Variants in BCAR1 observed in about 807,000 individuals in gnomAD.
The protein encoded by BCAR1 is BCAR1 scaffold protein, Cas family member.
A neutral mutation model predicts 67.6 loss-of-function variants in BCAR1; 30 were observed. The ratio of observed to expected loss-of-function variants is 0.44; its 90% CI spans 0.33 to 0.60. The LOEUF is 0.60. BCAR1 is among the 20% of genes least tolerant of loss of function. The probability of loss-of-function intolerance (pLI) is 0.02; values close to 1 mark genes in which losing one functional copy is unlikely to be tolerated. For synonymous variants in BCAR1, 626 were observed against 556.7 expected, an observed-to-expected ratio of 1.12 and a Z score of -1.75; for missense variants, 1,313 against 1,222.3, an observed-to-expected ratio of 1.07 and a Z score of -1.11.
intron 1 of BCAR1, among the ~76,000 whole-genome samples, chr16:75,262,587 C>G (rs1350213035): frequency 1.3e-5 from 2 of 152,190 alleles, no homozygotes; most frequent in Non-Finnish European, 2.9e-5. Context: ...AACCTGGACA[C>G]TGCCTCATCC....
rs116467413 is a variant in BCAR1 at position 75,264,271 on chromosome 16, C to T, written c.66+3644G>A. ...CTGTGGACAACCAAACCAAATCAAA[C>T]GGGGACCTCCCCATAGAGGCCCGCC... is the stretch of plus-strand genomic sequence containing the variant. On this transcript the variant is annotated intron_variant, in intron 1 of 6. Transcript: ENST00000393422. 5.1e-3 allele frequency: 6,978 copies of T among 1,370,944 alleles called. 306 individuals are homozygous for T. In the African/African-American group the frequency reaches 0.092, roughly 18 times the overall value. The allele number at this position is 1,370,944 out of a possible 1,614,324, so 84.9% of individuals were successfully genotyped here.
At chr16:75,260,461 G>T (rs964556572) in intron 1 of BCAR1, among the ~76,000 whole-genome samples, 1 of 151,772 alleles carries the variant, frequency 6.6e-6, no homozygotes, top group Non-Finnish European at 1.5e-5. Flanking sequence ...TGGTGAAACC[G>T]TGTCTCTACT....
intron 2 of BCAR1, among the ~76,000 whole-genome samples, chr16:75,241,325 T>A (rs189735529): frequency 4.7e-4 from 72 of 152,252 alleles, no homozygotes; most frequent in Non-Finnish European, 8.5e-4. Flanking sequence ...TGTTCGTGCA[T>A]ATGGTGTGTG....
At chr16:75,251,321 C>T in intron 1 of BCAR1, 150 bp downstream of exon 1, 1 of 1,126,000 alleles carries the variant, frequency 8.9e-7, no homozygotes, top group Non-Finnish European at 1.2e-6. Context: ...GGCTTCCCGG[C>T]CAGGGCAGAA....
upstream of BCAR1, chr16:75,252,205 G>A: frequency 6.5e-7 from 1 of 1,536,470 alleles, no homozygotes. Flanking sequence ...GCGAGCTCTC[G>A]ACCCAGCGCT....
rs3743613 is a variant in BCAR1, at chr16:75,235,636, C to T, written c.1263G>A (p.Pro421=). The part of the protein sequence containing the change: ...AVPPPAEREA[P]AEGKRLSASS... ...AGGCCGACAGGCGCTTGCCCTCTGC[C>T]GGGGCTTCACGTTCAGCTGGGGGAG... The change falls in exon 5 of 7, where the codon CCG becomes CCA. Residue 421 remains proline (P), a synonymous_variant. Transcript: ENST00000162330. 0.33 allele frequency: 532,406 copies of T among 1,604,724 alleles called. 97,215 individuals are homozygous for T. Among genetic ancestry groups the T allele is most frequent in the East Asian group, 0.84 (37,333 of 44,658 alleles).
At chr16:75,257,507 T>G (rs1403481831) in intron 1 of BCAR1, among the ~76,000 whole-genome samples, 1 of 152,032 alleles carries the variant, frequency 6.6e-6, no homozygotes, top group Non-Finnish European at 1.5e-5. Context: ...GAGGCTGGAG[T>G]GCAGTGGCAC....
intron 1 of BCAR1, chr16:75,247,804 C>T: frequency 1.9e-6 from 1 of 537,356 alleles, no homozygotes; most frequent in Non-Finnish European, 3.4e-6. Context: ...ACCCTTTCAC[C>T]CAGCAAATAT....
At chr16:75,239,899 C>T (rs916423324) in intron 2 of BCAR1, among the ~76,000 whole-genome samples, 15 of 152,196 alleles carry the variant, frequency 9.9e-5, no homozygotes, top group African/African-American at 3.4e-4. Context: ...GCACGCCTGA[C>T]CTCACGCCAT....
chr16:75,243,579 C>G, intron 1 of BCAR1: 1 of 449,210 alleles, frequency 2.2e-6, no homozygotes, highest in South Asian at 1.6e-5. Flanking sequence ...AGTCTATCTA[C>G]CCCAAATCCA....
At chr16:75,234,462 T>C (rs556777282) in intron 5 of BCAR1, among the ~76,000 whole-genome samples, 59 of 152,316 alleles carry the variant, frequency 3.9e-4, no homozygotes, top group African/African-American at 1.4e-3. Flanking sequence ...TGCCCCTGGA[T>C]GCCTCTCTGG....
chr16:75,263,069 G>C (rs1000295765), intron 1 of BCAR1, among the ~76,000 whole-genome samples: 3 of 152,114 alleles, frequency 2.0e-5, no homozygotes, highest in African/African-American at 7.2e-5. Flanking sequence ...GGCCCTCTGT[G>C]GGCCTGTGAG....
intron 2 of BCAR1, among the ~76,000 whole-genome samples, chr16:75,241,307 CAT>C (rs901924266): frequency 9.2e-5 from 14 of 152,100 alleles, no homozygotes; most frequent in Admixed American, 3.9e-4. Flanking sequence ...TCATGTAGCG[CAT>C]GTGTGTGTTC....
In BCAR1 at chr16:75,242,537, T is replaced by C. The variant is rs1275432542; in HGVS notation, c.566A>G (p.His189Arg). The change falls in exon 2 of 7, where the codon CAT becomes CGT. Residue 189 changes from histidine (H) to arginine (R), a missense_variant. By Grantham distance (29) the His-to-Arg change is conservative. This residue lies in a region of BCAR1 where 1,272 missense variants were observed against 1,137.5 expected (regional missense o/e 1.12). Coordinates refer to ENST00000162330, the MANE Select transcript of BCAR1 (RefSeq NM_014567.5). ...YQVPPSAGMG[H>R]DIYQVPPSMD... ...GGACGGGGGGACCTGGTAGATGTCA[T>C]GCCCCATCCCGGCAGAAGGTGGCAC... is the stretch of plus-strand genomic sequence containing the variant. 1.3e-6 allele frequency: 2 copies of C among 1,492,200 alleles called. No individual in the cohort carries two copies. The highest frequency in any genetic ancestry group is 2.8e-5 in the South Asian group (2 of 70,874). 92.4% of individuals were successfully genotyped at this position (1,492,200 alleles called of 1,614,324 possible).
At chr16:75,242,238 G>T (rs1273143824) in intron 2 of BCAR1, among the ~76,000 whole-genome samples, 2 of 152,238 alleles carry the variant, frequency 1.3e-5, no homozygotes, top group East Asian at 3.8e-4. Context: ...ACCACCACTC[G>T]GGTCGGCTTG....
At chr16:75,233,152 G>A (rs887388640) in intron 6 of BCAR1, among the ~76,000 whole-genome samples, 11 of 152,260 alleles carry the variant, frequency 7.2e-5, no homozygotes, top group Middle Eastern at 3.4e-3. Context: ...CAGGTGGATC[G>A]TTTGAGCCCA....
chr16:75,235,728 G>A lies in BCAR1; in HGVS notation c.1171C>T (p.Arg391Cys), dbSNP rs539221371. 1.5e-5 allele frequency: 24 copies of A among 1,605,412 alleles called. No homozygotes were observed. The highest frequency in any genetic ancestry group is 1.7e-4 in the Middle Eastern group (1 of 6,022). ...ACCTCAGGAGGAAGCACCCGTTCACGGGGCACATCGTACAGGGTGCCCGGG... is the reference window on the plus strand; with the variant it reads ...ACCTCAGGAGGAAGCACCCGTTCACAGGGCACATCGTACAGGGTGCCCGGG... ...PGPGTLYDVPRERVLPPEVAD... is the reference protein window; with the variant it reads ...PGPGTLYDVPCERVLPPEVAD... Residue 391 changes from arginine (R) to cysteine (C), a missense_variant, in exon 5 of 7, where the codon CGT (arginine) becomes TGT (cysteine). Transcript: ENST00000162330.
At chr16:75,243,155 CT>C (rs1254118578) in intron 1 of BCAR1, 65 bp from the exon 2 acceptor site, 2 of 1,487,202 alleles carry the variant, frequency 1.3e-6, no homozygotes, top group Middle Eastern at 1.8e-4. Context: ...GGCTCCCCAG[CT>C]CCTGCCCTGC....
chr16:75,235,875 C>T lies in BCAR1; in HGVS notation c.1024G>A (p.Ala342Thr), dbSNP rs1567594377. Residue 342 changes from alanine (A) to threonine (T), a missense_variant, in exon 5 of 7, where the codon GCC becomes ACC. Transcript: ENST00000162330. ...AFAKAKPFDP[A>T]RTPLVLAAPP... ...GCAGCCAGTACCAGTGGGGTGCGGG[C>T]CGGGTCAAAGGGCTTGGCCTTGGCG... 1.3e-6 allele frequency: 2 copies of T among 1,562,858 alleles called. No homozygotes were observed. Among genetic ancestry groups the T allele is most frequent in the Non-Finnish European group, 8.7e-7 (1 of 1,154,968 alleles).
Sources: allele counts gnomAD v4.1 joint callset (sites outside exome capture counted in the v4.1 genomes callset), GRCh38; gene constraint gnomAD v4.1.1; regional missense constraint gnomAD v4.1.1; transcripts MANE v1.5; gene names NCBI Gene and HGNC (gene_info 2026-07-23, HGNC 2026-07-21).